Variants in ASPHD2 observed in about 807,000 individuals in gnomAD.
ASPHD2 encodes the protein aspartate beta-hydroxylase domain containing 2.
In ASPHD2, 12 loss-of-function variants were observed where a neutral mutation model predicts 34.6. That is an observed-to-expected ratio of 0.35 (90% CI 0.22 to 0.56). ASPHD2 has a LOEUF of 0.56. Among genes scored for constraint, ASPHD2 ranks in the 20% least tolerant of loss-of-function variants. The pLI is 0.87. For missense variants in ASPHD2, 375 were observed against 505.0 expected, an observed-to-expected ratio of 0.74 and a Z score of 2.47; for synonymous variants, 224 against 212.2, an observed-to-expected ratio of 1.06 and a Z score of -0.48.
At position 26,434,380 on chromosome 22, in the gene ASPHD2, A is replaced by G. The variant is rs1401928507; in HGVS notation, c.765A>G (p.Gly255=). The G allele has an allele frequency of 2.5e-6, 4 of 1,614,182 alleles. No homozygotes were observed. The highest frequency in any genetic ancestry group is 3.4e-6 in the Non-Finnish European group (4 of 1,180,030). The stretch of plus-strand genomic sequence containing the variant: ...GCCCACGGACGTACCGCTTGCTCGG[A>G]AGCCTTCGGACCTGTATTGGGAACA... The part of the protein sequence containing the change: ...RKCPRTYRLL[G]SLRTCIGNNV... The change falls in exon 2 of 4, where the codon GGA becomes GGG. Residue 255 remains glycine, a synonymous_variant. Coordinates refer to ENST00000215906, the MANE Select transcript of ASPHD2 (RefSeq NM_020437.5).
chr22:26,441,478 T>TTAAAAAAAAA (rs1555883502), intron 2 of ASPHD2, among the ~76,000 whole-genome samples: 1 of 95,622 alleles, frequency 1.0e-5, no homozygotes. Context: ...ACCTTGTATC[T>TTAAAAAAAAA]AAAAAAAAAA....
chr22:26,433,986 A>G lies in ASPHD2; in HGVS notation c.371A>G (p.Gln124Arg). ...TGCACCCACAACGAGGGCCTCAACC[A>G]GAAGCTGTACCACAACCTGCAGGAG... ...VRCTHNEGLN[Q>R]KLYHNLQEYA... The change falls in exon 2 of 4, where the codon CAG (glutamine) becomes CGG (arginine). Residue 124 changes from glutamine to arginine, a missense_variant. This residue lies in a region of ASPHD2 where 223 missense variants were observed against 257.8 expected (regional missense o/e 0.87). Coordinates refer to ENST00000215906, the MANE Select transcript of ASPHD2 (RefSeq NM_020437.5). The surrounding 1 kb of genome is among the most constrained non-coding windows in gnomAD (Gnocchi z 5.1). The G allele has an allele frequency of 6.2e-7, 1 of 1,613,490 alleles. No individual in the cohort carries two copies. The highest frequency in any genetic ancestry group is 8.5e-7 in the Non-Finnish European group (1 of 1,179,950).
intron 2 of ASPHD2, among the ~76,000 whole-genome samples, chr22:26,435,050 A>G (rs1254491272): frequency 6.6e-6 from 1 of 152,172 alleles, no homozygotes; most frequent in Admixed American, 6.5e-5. Flanking sequence ...TTCTGAGAAA[A>G]TTGGTCGTAT....
Position 26,443,086 on chromosome 22 carries a change from T to C in ASPHD2, c.1001-11T>C. 1 of 1,609,216 alleles carries C rather than the reference T, an allele frequency of 6.2e-7. No homozygotes were observed. Among genetic ancestry groups the C allele is most frequent in the Non-Finnish European group, 8.5e-7 (1 of 1,175,632 alleles). On this transcript the variant is annotated splice_polypyrimidine_tract_variant and intron_variant, in intron 3 of 3. Coordinates refer to ENST00000215906, the MANE Select transcript of ASPHD2 (RefSeq NM_020437.5). ...TTTGAACCTGTCCTCTCACCCCTCCTTCCCCCCCAGGTTCAGCAGAGGATG... is the reference window on the plus strand; with the variant it reads ...TTTGAACCTGTCCTCTCACCCCTCCCTCCCCCCCAGGTTCAGCAGAGGATG...
rs1031129026 is a variant in ASPHD2, at chr22:26,443,721, G to T, written c.*515G>T. The T allele has an allele frequency of 3.3e-5, 5 of 152,708 alleles. No individual in the cohort carries two copies. Among genetic ancestry groups the T allele is most frequent in the African/African-American group, 1.2e-4 (5 of 41,420 alleles). The allele number at this position is 152,708 out of a possible 1,614,324, so 9.5% of individuals were successfully genotyped here. A position where few individuals can be genotyped will look rare whatever the true frequency, so the allele number is the denominator to read the frequency against. Reference sequence around the variant, plus strand: ...ACCCTTCAGCCACCTGACGGCAGGGGGACAGTCTGCAGCCCCCACACCTGA... The same window carrying T: ...ACCCTTCAGCCACCTGACGGCAGGGTGACAGTCTGCAGCCCCCACACCTGA... On this transcript the variant is annotated 3_prime_UTR_variant, in exon 4 of 4. Transcript: ENST00000215906.
chr22:26,434,259 C>T lies in ASPHD2; in HGVS notation c.644C>T (p.Pro215Leu), dbSNP rs780554272. The T allele has an allele frequency of 1.9e-6, 3 of 1,614,176 alleles. No homozygotes were observed. Among genetic ancestry groups the T allele is most frequent in the Admixed American group, 1.7e-5 (1 of 60,016 alleles). The change falls in exon 2 of 4, where the codon CCG becomes CTG. Residue 215 changes from proline to leucine, a missense_variant. By Grantham distance (98) the Pro-to-Leu change is moderately conservative (BLOSUM62 -3). Coordinates refer to ENST00000215906, the MANE Select transcript of ASPHD2 (RefSeq NM_020437.5). ...AAAGCTTTCTCAAACTGCAGCCTCC[C>T]GCAAGGATGGAAAATGAACAGCACC... ...LYKAFSNCSLPQGWKMNSTPS... is the reference protein window; with the variant it reads ...LYKAFSNCSLLQGWKMNSTPS...
chr22:26,431,264 G>C (rs2084754236), intron 1 of ASPHD2, among the ~76,000 whole-genome samples: 1 of 152,042 alleles, frequency 6.6e-6, no homozygotes, highest in South Asian at 2.1e-4. Flanking sequence ...CTTTCATCTG[G>C]ATTTTCTTTC....
chr22:26,432,210 A>G (rs2084761226), intron 1 of ASPHD2, among the ~76,000 whole-genome samples: 1 of 152,232 alleles, frequency 6.6e-6, no homozygotes, highest in African/African-American at 2.4e-5. Context: ...GAAAAGAAAC[A>G]GGCTTAGGAA....
Position 26,443,081 on chromosome 22 carries a change from C to T in ASPHD2, c.1001-16C>T. The T allele has an allele frequency of 6.2e-7, 1 of 1,601,424 alleles. No individual in the cohort carries two copies. The highest frequency in any genetic ancestry group is 8.6e-7 in the Non-Finnish European group (1 of 1,168,290). On this transcript the variant is annotated splice_polypyrimidine_tract_variant and intron_variant, in intron 3 of 3. Transcript: ENST00000215906. ...GGTGGTTTGAACCTGTCCTCTCACCCCTCCTTCCCCCCCAGGTTCAGCAGA... is the reference window on the plus strand; with the variant it reads ...GGTGGTTTGAACCTGTCCTCTCACCTCTCCTTCCCCCCCAGGTTCAGCAGA...
chr22:26,443,231 C>T lies in ASPHD2; in HGVS notation c.*25C>T, dbSNP rs759301055. ...AGAGTATTTCCCATGCTGGAGTCGGCGAGAAGGGCCGAGGCGGGGCCTGGG... is the reference window on the plus strand; with the variant it reads ...AGAGTATTTCCCATGCTGGAGTCGGTGAGAAGGGCCGAGGCGGGGCCTGGG... On this transcript the variant is annotated 3_prime_UTR_variant, in exon 4 of 4. Transcript: ENST00000215906. 6.3e-6 allele frequency: 10 copies of T among 1,592,586 alleles called. No homozygotes were observed. Among genetic ancestry groups the T allele is most frequent in the Admixed American group, 1.7e-5 (1 of 59,956 alleles).
At chr22:26,437,122 G>A (rs1303129546) in intron 2 of ASPHD2, among the ~76,000 whole-genome samples, 1 of 152,180 alleles carries the variant, frequency 6.6e-6, no homozygotes, top group Non-Finnish European at 1.5e-5. Context: ...ACAAAGGTGT[G>A]TCGGATTTAT....
At chr22:26,435,681 T>G (rs1436716129) in intron 2 of ASPHD2, among the ~76,000 whole-genome samples, 1 of 151,698 alleles carries the variant, frequency 6.6e-6, no homozygotes, top group Non-Finnish European at 1.5e-5. Flanking sequence ...CTGAGTAAGA[T>G]GTGGTTTGGA....
At chr22:26,439,064 T>G (rs543586250) in intron 2 of ASPHD2, among the ~76,000 whole-genome samples, 76 of 152,188 alleles carry the variant, frequency 5.0e-4, no homozygotes, top group Non-Finnish European at 8.8e-4. Flanking sequence ...CTAATCAAGT[T>G]GAAACTCAGT....
chr22:26,444,376 CAGAG>C lies in ASPHD2; in HGVS notation c.*1172_*1175del, dbSNP rs1225956938. The C allele has an allele frequency of 6.6e-6, 1 of 152,166 alleles. No homozygotes were observed. Among genetic ancestry groups the C allele is most frequent in the Non-Finnish European group, 1.5e-5 (1 of 68,042 alleles). The allele number at this position is 152,166 out of a possible 1,614,324, so 9.4% of individuals were successfully genotyped here. Reference sequence around the variant, plus strand: ...AAGCCAGTGTGTGCTAGTGAGGAGACAGAGAAGACCTACATGCCCAGAGGACCCG... The same window carrying C: ...AAGCCAGTGTGTGCTAGTGAGGAGACAAGACCTACATGCCCAGAGGACCCG... On this transcript the variant is annotated 3_prime_UTR_variant, in exon 4 of 4. Transcript: ENST00000215906.
Position 26,433,671 on chromosome 22 carries a change from C to G in ASPHD2, c.56C>G (p.Thr19Arg), listed in dbSNP as rs776980944. The change falls in exon 2 of 4, where the codon ACG becomes AGG. Residue 19 changes from threonine to arginine, a missense_variant. Transcript: ENST00000215906. This position sits in a 1 kb window ranked among gnomAD's most constrained non-coding sequence, Gnocchi z 5.1. ...ACTGATTGTCTGACCTTGCTTCACA[C>G]GCCCAGTAAGGACTCCCCCAAGATG... ...PRTDCLTLLHTPSKDSPKMSL... is the reference protein window; with the variant it reads ...PRTDCLTLLHRPSKDSPKMSL... The G allele has an allele frequency of 1.9e-6, 3 of 1,614,130 alleles. No homozygotes were observed. In the South Asian group the frequency reaches 3.3e-5, roughly 18 times the overall value.
In ASPHD2 at chr22:26,444,223, C is replaced by T. The variant is rs374138251; in HGVS notation, c.*1017C>T. Reference sequence around the variant, plus strand: ...CTGTTTTGCTTTGGAGTTCTGTTGCCTATGTTTTTTTTTTTTTCATTTATT... The same window carrying T: ...CTGTTTTGCTTTGGAGTTCTGTTGCTTATGTTTTTTTTTTTTTCATTTATT... On this transcript the variant is annotated 3_prime_UTR_variant, in exon 4 of 4. Transcript: ENST00000215906. 1.7e-3 allele frequency: 255 copies of T among 147,226 alleles called. 1 individual carries two copies. The highest frequency in any genetic ancestry group is 6.2e-3 in the African/African-American group (247 of 39,610). The allele number at this position is 147,226 out of a possible 1,614,324, so 9.1% of individuals were successfully genotyped here.
At position 26,444,713 on chromosome 22, in the gene ASPHD2, G is replaced by A. The variant is rs2084896280; in HGVS notation, c.*1507G>A. 1 of 152,256 alleles carries A rather than the reference G, an allele frequency of 6.6e-6. No homozygotes were observed. Among genetic ancestry groups the A allele is most frequent in the Admixed American group, 6.5e-5 (1 of 15,288 alleles). The allele number at this position is 152,256 out of a possible 1,614,324, so 9.4% of individuals were successfully genotyped here. ...GGTACAACTGTTGGAAGAAAACACA[G>A]TTGAAATGCACCAGGCAGGTACTAG... is the stretch of plus-strand genomic sequence containing the variant. On this transcript the variant is annotated 3_prime_UTR_variant, in exon 4 of 4. Transcript: ENST00000215906.
intron 2 of ASPHD2, among the ~76,000 whole-genome samples, chr22:26,439,164 C>T (rs545275590): frequency 1.8e-4 from 28 of 152,210 alleles, no homozygotes; most frequent in African/African-American, 6.5e-4. Flanking sequence ...TTTGGGAGGC[C>T]GAGTCAGGTG....
At position 26,434,044 on chromosome 22, in the gene ASPHD2, C is replaced by T. The variant is rs2084775319; in HGVS notation, c.429C>T (p.Gly143=). The change falls in exon 2 of 4, where the codon GGC becomes GGT. Residue 143 remains glycine, a synonymous_variant. Transcript: ENST00000215906. ...AGCGCTACTCCTGGTCCGGCATGGG[C>T]CGCATCCACAAGGGCATCCGCGAGC... is the stretch of plus-strand genomic sequence containing the variant. ...YAKRYSWSGM[G]RIHKGIREQG... 1 of 1,613,462 alleles carries T rather than the reference C, an allele frequency of 6.2e-7. No individual in the cohort carries two copies. The highest frequency in any genetic ancestry group is 8.5e-7 in the Non-Finnish European group (1 of 1,179,976).
Sources: allele counts gnomAD v4.1 joint callset (sites outside exome capture counted in the v4.1 genomes callset), GRCh38; gene constraint gnomAD v4.1.1; regional missense constraint gnomAD v4.1.1; non-coding constraint Gnocchi (gnomAD v3.1); transcripts MANE v1.5; gene names NCBI Gene and HGNC (gene_info 2026-07-23, HGNC 2026-07-21).